Variants in ZFP82 observed in about 807,000 individuals in gnomAD.
ZFP82 encodes ZFP82 zinc finger protein.
A neutral mutation model predicts 54.0 loss-of-function variants in ZFP82; 30 were observed. That is an observed-to-expected ratio of 0.56 (90% CI 0.42 to 0.75). The LOEUF is 0.75. ZFP82 is among the 30% of genes least tolerant of loss of function. The probability of loss-of-function intolerance (pLI) is 0.00; values close to 1 mark genes in which losing one functional copy is unlikely to be tolerated. For missense variants in ZFP82, 500 were observed against 636.8 expected, an observed-to-expected ratio of 0.79 and a Z score of 2.31; for synonymous variants, 194 against 209.5, an observed-to-expected ratio of 0.93 and a Z score of 0.64.
rs1008371963 is a variant in ZFP82, at chr19:36,403,377, A to C, written c.229+2203T>G. Among the ~76,000 whole-genome samples the C allele has an allele frequency of 1.2e-4, 7 of 60,116 alleles. No individual in the cohort carries two copies. In the Admixed American group the frequency reaches 1.3e-3, roughly 11 times the overall value. 39.4% of individuals were successfully genotyped at this position (60,116 alleles called of 152,430 possible). On this transcript the variant is annotated intron_variant, in intron 4 of 4. Transcript: ENST00000392161. Reference sequence around the variant, plus strand: ...GGTGGCTCACACCTGTAATCCCAGCACCTTGGGATCCAGCGGGTGGATCAC... The same window carrying C: ...GGTGGCTCACACCTGTAATCCCAGCCCCTTGGGATCCAGCGGGTGGATCAC...
In ZFP82 at chr19:36,391,179, C is replaced by A. The variant is rs537986895; in HGVS notation, c.*1562G>T. Reference sequence around the variant, plus strand: ...GGATAGGCAAGGTAAATATTCCATTCTTTTCCTTTATTTGTTAATAATGCT... The same window carrying A: ...GGATAGGCAAGGTAAATATTCCATTATTTTCCTTTATTTGTTAATAATGCT... On this transcript the variant is annotated 3_prime_UTR_variant, in exon 5 of 5. Transcript: ENST00000392161. 4 of 151,822 alleles carry A rather than the reference C, an allele frequency of 2.6e-5. No homozygotes were observed. Among genetic ancestry groups the A allele is most frequent in the Non-Finnish European group, 4.4e-5 (3 of 67,982 alleles). The allele number at this position is 151,822 out of a possible 1,614,324, so 9.4% of individuals were successfully genotyped here. A position where few individuals can be genotyped will look rare whatever the true frequency, so the allele number is the denominator to read the frequency against.
At chr19:36,412,311 T>A (rs1193209443) in intron 1 of ZFP82, among the ~76,000 whole-genome samples, 1 of 152,214 alleles carries the variant, frequency 6.6e-6, no homozygotes, top group East Asian at 1.9e-4. Context: ...TAATTCTACA[T>A]GACCATATAT....
intron 4 of ZFP82, among the ~76,000 whole-genome samples, chr19:36,402,927 A>G (rs2032413401): frequency 6.6e-6 from 1 of 151,880 alleles, no homozygotes; most frequent in African/African-American, 2.4e-5. Context: ...TCACGAGATC[A>G]GGAGATTGAG....
chr19:36,388,142 A>C (rs1186349808), downstream of ZFP82, among the ~76,000 whole-genome samples: 1 of 152,214 alleles, frequency 6.6e-6, no homozygotes, highest in African/African-American at 2.4e-5. Context: ...TATTTAAATG[A>C]GAACAGGCCA....
chr19:36,416,855 T>C lies in ZFP82; in HGVS notation c.-79+1637A>G, dbSNP rs185050258. On this transcript the variant is annotated intron_variant, in intron 1 of 4. Coordinates refer to ENST00000392161, the MANE Select transcript of ZFP82 (RefSeq NM_133466.4). ...TGGGAGGCCGAGGCAGGCAGATCAC[T>C]TGAGGCCAGGAGTTTGAGACCAGCC... Among the ~76,000 whole-genome samples the C allele has an allele frequency of 5.1e-4, 77 of 150,810 alleles. No homozygotes were observed. In the East Asian group the frequency reaches 9.9e-3, roughly 19 times the overall value.
chr19:36,417,796 T>C lies in ZFP82; in HGVS notation c.-79+696A>G, dbSNP rs1381303211. On this transcript the variant is annotated intron_variant, in intron 1 of 4. Transcript: ENST00000392161. The stretch of plus-strand genomic sequence containing the variant: ...ATGCTGTGGTTCTGAAACCTGCAGC[T>C]GGACTCTTCAGAGTTGTGAGTGCAC... 2.6e-5 allele frequency among the ~76,000 whole-genome samples: 4 copies of C among 152,192 alleles called. No individual in the cohort carries two copies. The East Asian group carries it at 7.7e-4, about 29-fold the overall frequency.
At chr19:36,386,719 C>T (rs149306401), downstream of ZFP82, among the ~76,000 whole-genome samples, 45 of 152,272 alleles carry the variant, frequency 3.0e-4, no homozygotes, top group African/African-American at 8.4e-4. Flanking sequence ...GGTGGATCAC[C>T]TGAGGTCAGG....
In ZFP82 at chr19:36,402,468, C is replaced by CAAAAAAAAAAAAAAA. The variant is rs377338348; in HGVS notation, c.229+3097_229+3111dup. Among the ~76,000 whole-genome samples the CAAAAAAAAAAAAAAA allele has an allele frequency of 2.8e-3, 163 of 57,392 alleles. 21 individuals are homozygous for CAAAAAAAAAAAAAAA. The highest frequency in any genetic ancestry group is 3.2e-3 in the Non-Finnish European group (105 of 33,170). The allele number at this position is 57,392 out of a possible 152,430, so 37.7% of individuals were successfully genotyped here. A position where few individuals can be genotyped will look rare whatever the true frequency, so the allele number is the denominator to read the frequency against. ...TGGACAGAAGAGCGAGACTCCATCT[C>CAAAAAAAAAAAAAAA]AAAAAAAAAAAAAAAAAAAGATTAG... is the stretch of plus-strand genomic sequence containing the variant. On this transcript the variant is annotated intron_variant, in intron 4 of 4. Coordinates refer to ENST00000392161, the MANE Select transcript of ZFP82 (RefSeq NM_133466.4).
At chr19:36,401,983 A>G (rs34619281) in intron 4 of ZFP82, among the ~76,000 whole-genome samples, 1 of 152,216 alleles carries the variant, frequency 6.6e-6, no homozygotes, top group Non-Finnish European at 1.5e-5. Flanking sequence ...ACTTTCTTAA[A>G]GGAAGAATAG....
At chr19:36,386,508 C>T (rs2032116372), downstream of ZFP82, among the ~76,000 whole-genome samples, 1 of 152,240 alleles carries the variant, frequency 6.6e-6, no homozygotes, top group African/African-American at 2.4e-5. Flanking sequence ...CAGTGTAAAA[C>T]TCCAACCTGT....
At chr19:36,395,141 T>C (rs910582967) in intron 4 of ZFP82, 3 of 152,246 alleles carry the variant, frequency 2.0e-5, no homozygotes, top group Admixed American at 2.0e-4. Context: ...CATCTGCCAC[T>C]GCTTATGCCT....
In ZFP82 at chr19:36,392,698, C is replaced by T. The variant is rs1344617065; in HGVS notation, c.*43G>A. 5.4e-6 allele frequency: 8 copies of T among 1,486,510 alleles called. No homozygotes were observed. The Admixed American group carries it at 7.1e-5, about 13-fold the overall frequency. 92.1% of individuals were successfully genotyped at this position (1,486,510 alleles called of 1,614,324 possible). On this transcript the variant is annotated 3_prime_UTR_variant, in exon 5 of 5. Transcript: ENST00000392161. The stretch of plus-strand genomic sequence containing the variant: ...ATGGAGCAAAATAGATTAATTACTA[C>T]ATTCATAGAATGTTCTATAACACAG...
At chr19:36,409,584 T>G (rs1026263857) in intron 2 of ZFP82, among the ~76,000 whole-genome samples, 197 bp downstream of exon 2, 12 of 152,170 alleles carry the variant, frequency 7.9e-5, no homozygotes, top group African/African-American at 2.9e-4. Flanking sequence ...GCTGAATAAT[T>G]TGTTCAACAA....
intron 1 of ZFP82, among the ~76,000 whole-genome samples, chr19:36,414,583 C>T (rs1032495996): frequency 3.3e-5 from 5 of 151,584 alleles, no homozygotes; most frequent in African/African-American, 1.2e-4. Context: ...AGGATGGTCT[C>T]GATCTCCTGA....
intron 4 of ZFP82, among the ~76,000 whole-genome samples, chr19:36,398,537 CAAAAA>C (rs145968955): frequency 7.6e-6 from 1 of 131,572 alleles, no homozygotes; most frequent in African/African-American, 2.8e-5. Context: ...AACTCCATCT[CAAAAA>C]AAAAAAAAAA....
rs1281737456 is a variant in ZFP82 at position 36,408,068 on chromosome 19, TAGA to T, written c.10-58_10-56del. On this transcript the variant is annotated intron_variant, in intron 2 of 4. Transcript: ENST00000392161. ...AAATGGAAGAAAATGTATTTTAAGG[TAGA>T]AGGAGAAAAGAAGGAAGAGATATTG... 17 of 1,585,836 alleles carry T rather than the reference TAGA, an allele frequency of 1.1e-5. No individual in the cohort carries two copies. In the East Asian group the frequency reaches 1.4e-4, roughly 13 times the overall value.
intron 4 of ZFP82, among the ~76,000 whole-genome samples, chr19:36,397,236 G>A (rs145756678): frequency 0.012 from 1,805 of 151,890 alleles, 39 homozygotes; most frequent in African/African-American, 0.041. Flanking sequence ...GGGATTACAG[G>A]CACACACCAC....
chr19:36,416,933 TGTG>T (rs1300200660), intron 1 of ZFP82, among the ~76,000 whole-genome samples: 2 of 150,024 alleles, frequency 1.3e-5, no homozygotes, highest in East Asian at 2.0e-4. Context: ...ATTAGCTGGG[TGTG>T]GTGGTGCAGG....
chr19:36,403,871 AC>A (rs80242970), intron 4 of ZFP82, among the ~76,000 whole-genome samples: 87,909 of 151,782 alleles, frequency 0.58, 25,497 homozygotes, highest in Admixed American at 0.64. Flanking sequence ...ATATGATTAT[AC>A]TATCAAGCAT....
Sources: gnomAD v4.1 joint callset for allele counts (sites outside exome capture counted in the v4.1 genomes callset) on GRCh38, gnomAD v4.1.1 for gene constraint, MANE v1.5 for transcripts, NCBI Gene and HGNC (gene_info 2026-07-23, HGNC 2026-07-21) for gene names.